Variants in FGGY observed in about 807,000 individuals in gnomAD.
FGGY encodes the protein FGGY carbohydrate kinase domain containing.
A neutral mutation model predicts 71.3 loss-of-function variants in FGGY; 72 were observed. That is an observed-to-expected ratio of 1.01 (90% CI 0.84 to 1.23). The LOEUF is 1.23. FGGY is among the 50% of genes most tolerant of loss of function. The probability of loss-of-function intolerance (pLI) is 0.00; values close to 1 mark genes in which losing one functional copy is unlikely to be tolerated. For synonymous variants in FGGY, 251 were observed against 250.3 expected, an observed-to-expected ratio of 1.00 and a Z score of -0.02; for missense variants, 668 against 682.3, an observed-to-expected ratio of 0.98 and a Z score of 0.23.
chr1:59,401,426 TCATTGATCATGCA>T (rs2061955865), intron 5 of FGGY, among the ~76,000 whole-genome samples: 1 of 152,340 alleles, frequency 6.6e-6, no homozygotes, highest in East Asian at 1.9e-4. Flanking sequence ...TATCACATTG[TCATTGATCATGCA>T]CATTGATCAT....
chr1:59,397,254 C>T (rs974157065), intron 5 of FGGY, among the ~76,000 whole-genome samples: 2 of 152,158 alleles, frequency 1.3e-5, no homozygotes, highest in African/African-American at 4.8e-5. Flanking sequence ...AGGAACTTCC[C>T]TTAATTCCAC....
intron 8 of FGGY, among the ~76,000 whole-genome samples, chr1:59,567,754 T>C (rs190855661): frequency 6.6e-6 from 1 of 151,842 alleles, no homozygotes; most frequent in Admixed American, 6.6e-5. Flanking sequence ...ACCAAATTGC[T>C]TGGACCTGTT....
At chr1:59,621,727 T>A (rs904622892) in intron 9 of FGGY, among the ~76,000 whole-genome samples, 1 of 151,946 alleles carries the variant, frequency 6.6e-6, no homozygotes, top group East Asian at 1.9e-4. Flanking sequence ...TAATATGTCA[T>A]TTTTTTCCTC....
At chr1:59,342,799 G>A (rs1426775052) in intron 3 of FGGY, among the ~76,000 whole-genome samples, 1 of 152,114 alleles carries the variant, frequency 6.6e-6, no homozygotes, top group Non-Finnish European at 1.5e-5. Flanking sequence ...AAACCCATAA[G>A]ACCAGCAAAA....
intron 2 of FGGY, among the ~76,000 whole-genome samples, chr1:59,331,487 C>T (rs2048468676): frequency 1.3e-5 from 2 of 152,140 alleles, no homozygotes; most frequent in African/African-American, 4.8e-5. Flanking sequence ...CTGCCTGGAA[C>T]ACTCTTCCCC....
At chr1:59,710,170 C>T (rs930136571) in intron 14 of FGGY, among the ~76,000 whole-genome samples, 1 of 152,124 alleles carries the variant, frequency 6.6e-6, no homozygotes, top group Non-Finnish European at 1.5e-5. Context: ...AATTTTTCAC[C>T]TATAAAACAC....
chr1:59,660,126 G>A (rs1572796456), intron 11 of FGGY, 93 bp from the exon 12 acceptor site: 2 of 1,154,372 alleles, frequency 1.7e-6, no homozygotes, highest in East Asian at 4.8e-5. Flanking sequence ...GTTTCGGCAA[G>A]AAAACACATC....
intron 1 of FGGY, among the ~76,000 whole-genome samples, chr1:59,300,606 A>C (rs2042608148): frequency 6.6e-6 from 1 of 152,140 alleles, no homozygotes; most frequent in African/African-American, 2.4e-5. Context: ...TTTTAAAAGA[A>C]GTTTTGTCAT....
chr1:59,521,772 T>G (rs2094840607), intron 7 of FGGY, among the ~76,000 whole-genome samples: 1 of 152,200 alleles, frequency 6.6e-6, no homozygotes, highest in Non-Finnish European at 1.5e-5. Flanking sequence ...CCCATTGTAC[T>G]ACACTGTCTC....
At chr1:59,380,355 C>A (rs1198738872) in intron 5 of FGGY, among the ~76,000 whole-genome samples, 1 of 151,394 alleles carries the variant, frequency 6.6e-6, no homozygotes, top group Non-Finnish European at 1.5e-5. Flanking sequence ...GTTCTAGATC[C>A]CTGAGGAATC....
intron 1 of FGGY, among the ~76,000 whole-genome samples, chr1:59,305,238 A>G (rs1394836870): frequency 6.6e-6 from 1 of 152,118 alleles, no homozygotes; most frequent in African/African-American, 2.4e-5. Flanking sequence ...TTCCTTCTAT[A>G]TCTAATTTGT....
intron 9 of FGGY, among the ~76,000 whole-genome samples, chr1:59,611,027 G>C (rs892649709): frequency 2.0e-5 from 3 of 152,190 alleles, no homozygotes; most frequent in East Asian, 1.9e-4. Context: ...GCTCTAACTG[G>C]GTGGAGCCCA....
intron 5 of FGGY, among the ~76,000 whole-genome samples, chr1:59,455,282 T>C (rs1572355359): frequency 1.3e-5 from 2 of 152,166 alleles, no homozygotes; most frequent in Admixed American, 1.3e-4. Context: ...TCATTGGGGC[T>C]TCCTGAAAAA....
chr1:59,394,792 T>A (rs78019426), intron 5 of FGGY, among the ~76,000 whole-genome samples: 376 of 152,266 alleles, frequency 2.5e-3, no homozygotes, highest in Non-Finnish European at 3.6e-3. Context: ...CAGCTCCAAA[T>A]GCACATTATT....
intron 6 of FGGY, among the ~76,000 whole-genome samples, chr1:59,492,400 A>G (rs925513881): frequency 1.3e-5 from 2 of 152,172 alleles, no homozygotes; most frequent in Non-Finnish European, 2.9e-5. Flanking sequence ...TTGTACTTGT[A>G]CGGTGATCTG....
intron 11 of FGGY, 90 bp from the exon 12 acceptor site, chr1:59,660,129 A>C: frequency 8.5e-7 from 1 of 1,176,894 alleles, no homozygotes; most frequent in Non-Finnish European, 1.2e-6. Context: ...TCGGCAAGAA[A>C]ACACATCTGA....
chr1:59,486,857 T>C (rs2093672883), intron 6 of FGGY, among the ~76,000 whole-genome samples: 1 of 152,206 alleles, frequency 6.6e-6, no homozygotes. Flanking sequence ...CTGAGGGAGC[T>C]ATCTCCACAG....
intron 6 of FGGY, among the ~76,000 whole-genome samples, chr1:59,497,875 C>G (rs2094095329): frequency 6.6e-6 from 1 of 151,802 alleles, no homozygotes; most frequent in African/African-American, 2.4e-5. Flanking sequence ...AATACTCTCA[C>G]ACTGCTGCCC....
intron 4 of FGGY, among the ~76,000 whole-genome samples, chr1:59,370,449 C>T (rs576699957): frequency 9.9e-5 from 15 of 152,264 alleles, no homozygotes; most frequent in East Asian, 5.8e-4. Flanking sequence ...CTGAAAGTGA[C>T]GGGGAGAATG....
Sources: allele counts gnomAD v4.1 joint callset (sites outside exome capture counted in the v4.1 genomes callset), GRCh38; gene constraint gnomAD v4.1.1; transcripts MANE v1.5; gene names NCBI Gene and HGNC (gene_info 2026-07-23, HGNC 2026-07-21).